Variants in NCF4 observed in about 807,000 individuals in gnomAD.
The protein encoded by NCF4 is neutrophil cytosol factor 4.
Under a neutral mutation model 41.7 loss-of-function variants are expected in NCF4, and 30 were observed. That is an observed-to-expected ratio of 0.72 (90% CI 0.54 to 0.97). The LOEUF (loss-of-function observed/expected upper bound fraction) is 0.97, where lower values mean the gene tolerates loss of function less well. NCF4 is among the 50% of genes least tolerant of loss of function. The pLI is 0.00. For missense variants in NCF4, 432 were observed against 460.9 expected (o/e 0.94, Z 0.57); for synonymous variants, 195 against 175.8 (o/e 1.11, Z -0.87).
intron 5 of NCF4, 133 bp from the exon 6 acceptor site, chr22:36,871,519 G>A: frequency 3.0e-6 from 3 of 997,576 alleles, no homozygotes. Context: ...AGGAGCAATT[G>A]CAGCCACATT....
chr22:36,875,830 C>T (rs1940179410), intron 8 of NCF4, 47 bp downstream of exon 8: 1 of 1,613,986 alleles, frequency 6.2e-7, no homozygotes, highest in Non-Finnish European at 8.5e-7. Flanking sequence ...CCTGCCATCC[C>T]TACGACCACT....
chr22:36,870,458 T>C lies in NCF4; in HGVS notation c.386T>C (p.Val129Ala). Residue 129 changes from valine to alanine, a missense_variant, in exon 5 of 10, where the codon GTC (valine) becomes GCC (alanine). Coordinates refer to ENST00000248899, the MANE Select transcript of NCF4 (RefSeq NM_000631.5). ...LPVWVLMDEDVRIFFYQSPYD... is the reference protein window; with the variant it reads ...LPVWVLMDEDARIFFYQSPYD... The stretch of plus-strand genomic sequence containing the variant: ...GTCTGGGTGCTGATGGATGAGGACG[T>C]CCGGATCTTCTTTTACCAGTCGCCC... The C allele has an allele frequency of 6.2e-7, 1 of 1,613,988 alleles. No individual in the cohort carries two copies. The highest frequency in any genetic ancestry group is 8.5e-7 in the Non-Finnish European group (1 of 1,180,022).
chr22:36,865,099 T>C lies in NCF4; in HGVS notation c.271+27T>C. ...TAGGCGGCCACTCCCGTCCTGCTGC[T>C]GCAGAGCTGCTGACTCTCCTTCCTT... On this transcript the variant is annotated intron_variant, in intron 3 of 9. Transcript: ENST00000248899. The surrounding 1 kb of genome is among the most constrained non-coding windows in gnomAD (Gnocchi z 4.3). 6.2e-7 allele frequency: 1 copy of C among 1,604,614 alleles called. No individual in the cohort carries two copies. Among genetic ancestry groups the C allele is most frequent in the Non-Finnish European group, 8.5e-7 (1 of 1,179,820 alleles).
chr22:36,863,585 C>G (rs1939839202), intron 1 of NCF4, among the ~76,000 whole-genome samples: 1 of 7,174 alleles, frequency 1.4e-4, no homozygotes, highest in African/African-American at 1.0e-3. Flanking sequence ...CAGCCATGCT[C>G]AGCAACCTGC....
rs1940175716 is a variant in NCF4 at position 36,875,699 on chromosome 22, A to C, written c.674A>C (p.Lys225Thr). The C allele has an allele frequency of 6.2e-7, 1 of 1,613,434 alleles. No individual in the cohort carries two copies. Among genetic ancestry groups the C allele is most frequent in the East Asian group, 2.2e-5 (1 of 44,874 alleles). Residue 225 changes from lysine (K) to threonine (T), a missense_variant, in exon 8 of 10, where the codon AAG becomes ACG. Coordinates refer to ENST00000248899, the MANE Select transcript of NCF4 (RefSeq NM_000631.5). ...ATGIFPLSFV[K>T]ILKDFPEEDD... The stretch of plus-strand genomic sequence containing the variant: ...GGCATCTTCCCTCTCTCCTTCGTGA[A>C]GATCCTCAAAGACTTCCCTGAGGAG...
intron 5 of NCF4, 90 bp from the exon 6 acceptor site, chr22:36,871,562 T>C: frequency 2.1e-6 from 3 of 1,417,050 alleles, no homozygotes; most frequent in Middle Eastern, 1.7e-4. Flanking sequence ...CCTTCCCTGC[T>C]CCTTGCAAGG....
chr22:36,871,576 T>C (rs1288690849), intron 5 of NCF4, 76 bp from the exon 6 acceptor site: 9 of 1,482,782 alleles, frequency 6.1e-6, no homozygotes, highest in Non-Finnish European at 8.3e-6. Context: ...TGCAAGGGGC[T>C]CCTCTGGACA....
chr22:36,870,671 T>A, intron 5 of NCF4, 129 bp downstream of exon 5: 1 of 1,312,298 alleles, frequency 7.6e-7, no homozygotes, highest in Non-Finnish European at 1.1e-6. Context: ...CCAGGATGAT[T>A]TGATTTATTA....
Position 36,861,059 on chromosome 22 carries a change from C to T in NCF4, c.-113C>T, listed in dbSNP as rs1296918854. On this transcript the variant is annotated 5_prime_UTR_variant, in exon 1 of 10. Transcript: ENST00000248899. ...CCCAAAGGCAGCTCCTGGGGACTCCCAGGACCACAGGCTGAGACGAGACGC... is the reference window on the plus strand; with the variant it reads ...CCCAAAGGCAGCTCCTGGGGACTCCTAGGACCACAGGCTGAGACGAGACGC... 1 of 1,441,828 alleles carries T rather than the reference C, an allele frequency of 6.9e-7. No individual in the cohort carries two copies. Among genetic ancestry groups the T allele is most frequent in the Non-Finnish European group, 9.5e-7 (1 of 1,048,358 alleles). The allele number at this position is 1,441,828 out of a possible 1,614,324, so 89.3% of individuals were successfully genotyped here. A position where few individuals can be genotyped will look rare whatever the true frequency, so the allele number is the denominator to read the frequency against.
chr22:36,872,305 C>G, intron 6 of NCF4, 22 bp from the exon 7 acceptor site: 1 of 1,540,224 alleles, frequency 6.5e-7, no homozygotes, highest in South Asian at 1.1e-5. Context: ...TCCTTCCCTC[C>G]TTACTGCACG....
chr22:36,874,136 A>G (rs1244455267), intron 7 of NCF4, among the ~76,000 whole-genome samples: 1 of 152,224 alleles, frequency 6.6e-6, no homozygotes, highest in Non-Finnish European at 1.5e-5. Context: ...TACTAGGGTC[A>G]TTAGGAGACT....
rs1237094886 is a variant in NCF4, at chr22:36,877,913, G to A, written c.*90G>A. ...GGGACCAGGAAAACCTGGGAGGATG[G>A]GCAGACTTCCTGTCTTTGAGGCTAA... On this transcript the variant is annotated 3_prime_UTR_variant, in exon 10 of 10. Transcript: ENST00000248899. 3 of 1,338,144 alleles carry A rather than the reference G, an allele frequency of 2.2e-6. No individual in the cohort carries two copies. The East Asian group carries it at 7.5e-5, about 33-fold the overall frequency. The allele number at this position is 1,338,144 out of a possible 1,614,324, so 82.9% of individuals were successfully genotyped here.
Position 36,867,491 on chromosome 22 carries a change from G to A in NCF4, c.342+29G>A, listed in dbSNP as rs34029541. ...CCAGTGGGCCTTGCCACCTTGGCAC[G>A]TGGAAGGGCATGCAGTATTGGTGGG... On this transcript the variant is annotated intron_variant, in intron 4 of 9. Coordinates refer to ENST00000248899, the MANE Select transcript of NCF4 (RefSeq NM_000631.5). 1.4e-3 allele frequency: 2,299 copies of A among 1,611,658 alleles called. 22 individuals carry two copies. The African/African-American group carries it at 0.025, about 18-fold the overall frequency.
chr22:36,870,300 T>C (rs1477352481), intron 4 of NCF4, 115 bp from the exon 5 acceptor site: 5 of 1,405,670 alleles, frequency 3.6e-6, no homozygotes, highest in African/African-American at 1.4e-5. Flanking sequence ...TCAGGCATCA[T>C]GCATTAGTAA....
Position 36,865,002 on chromosome 22 carries a change from C to G in NCF4, c.201C>G (p.Ser67Arg), listed in dbSNP as rs750743658. ...RRYRQFHALQSKLEERFGPDS... is the reference protein window; with the variant it reads ...RRYRQFHALQRKLEERFGPDS... ...ACCGCCAGTTCCATGCTTTGCAGAG[C>G]AAGCTGGAGGAGCGCTTCGGGCCAG... is the stretch of plus-strand genomic sequence containing the variant. Residue 67 changes from serine (S) to arginine (R), a missense_variant, in exon 3 of 10, where the codon AGC becomes AGG. Coordinates refer to ENST00000248899, the MANE Select transcript of NCF4 (RefSeq NM_000631.5). The surrounding 1 kb of genome is among the most constrained non-coding windows in gnomAD (Gnocchi z 4.3). 1 of 1,614,088 alleles carries G rather than the reference C, an allele frequency of 6.2e-7. No individual in the cohort carries two copies. Among genetic ancestry groups the G allele is most frequent in the Non-Finnish European group, 8.5e-7 (1 of 1,180,022 alleles).
At chr22:36,864,784 C>T in intron 2 of NCF4, 135 bp from the exon 3 acceptor site, 4 of 1,048,928 alleles carry the variant, frequency 3.8e-6, no homozygotes, top group Non-Finnish European at 5.7e-6. Context: ...TGACAGGGGT[C>T]TCCTTCTCCA....
Position 36,871,699 on chromosome 22 carries a change from C to A in NCF4, c.518C>A (p.Pro173Gln). ...AACAGCGTTGACCGCATGGCAGCTC[C>A]GAGAGCAGAGGTAACCCCCGCCCCC... is the stretch of plus-strand genomic sequence containing the variant. ...QGNSVDRMAA[P>Q]RAEALFDFTG... is the part of the protein sequence containing the mutation. The change falls in exon 6 of 10, where the codon CCG becomes CAG. Residue 173 changes from proline (P) to glutamine (Q), a missense_variant. By Grantham distance (76) the Pro-to-Gln change is moderately conservative. Coordinates refer to ENST00000248899, the MANE Select transcript of NCF4 (RefSeq NM_000631.5). 1.9e-6 allele frequency: 3 copies of A among 1,566,670 alleles called. No homozygotes were observed. Among genetic ancestry groups the A allele is most frequent in the East Asian group, 2.4e-5 (1 of 42,440 alleles).
chr22:36,865,570 T>C lies in NCF4; in HGVS notation c.271+498T>C, dbSNP rs1304584127. Among the ~76,000 whole-genome samples the C allele has an allele frequency of 6.6e-6, 1 of 151,848 alleles. No homozygotes were observed. Among genetic ancestry groups the C allele is most frequent in the African/African-American group, 2.4e-5 (1 of 41,380 alleles). ...GCCTCAAGCCTCTGCTTGCAAACAGTCTCCCCGCCCCCTGGCCTCCTGGTC... is the reference window on the plus strand; with the variant it reads ...GCCTCAAGCCTCTGCTTGCAAACAGCCTCCCCGCCCCCTGGCCTCCTGGTC... On this transcript the variant is annotated intron_variant, in intron 3 of 9. Coordinates refer to ENST00000248899, the MANE Select transcript of NCF4 (RefSeq NM_000631.5). The surrounding 1 kb of genome is among the most constrained non-coding windows in gnomAD (Gnocchi z 4.3).
At chr22:36,870,000 A>G (rs557076419) in intron 4 of NCF4, 37 of 276,208 alleles carry the variant, frequency 1.3e-4, no homozygotes, top group South Asian at 1.2e-3. Flanking sequence ...GTCCCTTGCT[A>G]GGCTTTGTGG....
Sources: gnomAD v4.1 joint callset for allele counts (sites outside exome capture counted in the v4.1 genomes callset) on GRCh38, gnomAD v4.1.1 for gene constraint, Gnocchi (gnomAD v3.1) non-coding constraint, MANE v1.5 for transcripts, NCBI Gene and HGNC (gene_info 2026-07-23, HGNC 2026-07-21) for gene names.